The following NTM variants were observed in gnomAD, a reference collection of about 807,000 sequenced individuals.
NTM encodes the protein neurotrimin, also known as IgLON family member 2.
In NTM, 13 loss-of-function variants were observed where a neutral mutation model predicts 42.1. That is an observed-to-expected ratio of 0.31 (90% CI 0.20 to 0.49). The LOEUF (loss-of-function observed/expected upper bound fraction) is 0.49, where lower values mean the gene tolerates loss of function less well. Among genes scored for constraint, NTM ranks in the 20% least tolerant of loss-of-function variants. NTM has a pLI of 0.99. For synonymous variants in NTM, 187 were observed against 179.2 expected (o/e 1.04, Z -0.35); for missense variants, 373 against 452.8 (o/e 0.82, Z 1.60).
chr11:132,227,851 C>T (rs368173720), intron 4 of NTM, among the ~76,000 whole-genome samples: 7 of 152,078 alleles, frequency 4.6e-5, no homozygotes, highest in African/African-American at 7.2e-5. Flanking sequence ...GTGGCACTTA[C>T]GGGAAAAATT....
chr11:131,795,037 A>T (rs1423297240), intron 1 of NTM: 1 of 963,032 alleles, frequency 1.0e-6, no homozygotes. Flanking sequence ...CCCTGTAGCC[A>T]AAGGGGGGGA....
intron 4 of NTM, among the ~76,000 whole-genome samples, chr11:132,297,707 T>A (rs12284625): frequency 6.6e-6 from 1 of 152,112 alleles, no homozygotes; most frequent in Non-Finnish European, 1.5e-5. Flanking sequence ...TTTTGCGGGC[T>A]TTTTCTTGGC....
chr11:132,050,465 A>G (rs1047622324), intron 2 of NTM, among the ~76,000 whole-genome samples: 6 of 152,194 alleles, frequency 3.9e-5, no homozygotes, highest in Non-Finnish European at 8.8e-5. Context: ...ATTTTTTTGT[A>G]TAGCAGGCAC....
intron 4 of NTM, among the ~76,000 whole-genome samples, chr11:132,296,701 G>A (rs2094624223): frequency 6.6e-6 from 1 of 152,118 alleles, no homozygotes; most frequent in South Asian, 2.1e-4. Context: ...GTGAAGTGAA[G>A]TAGAAAGGCA....
chr11:131,792,690 G>A (rs575518074), intron 1 of NTM, among the ~76,000 whole-genome samples: 3 of 152,244 alleles, frequency 2.0e-5, no homozygotes, highest in Non-Finnish European at 2.9e-5. Flanking sequence ...AAATGGGCAC[G>A]GTGCCTTCAC....
intron 3 of NTM, among the ~76,000 whole-genome samples, chr11:132,208,731 G>A (rs1007516463): frequency 2.6e-5 from 4 of 152,190 alleles, no homozygotes; most frequent in South Asian, 4.1e-4. Context: ...TTCATTACCC[G>A]GCCTGATTTC....
intron 4 of NTM, among the ~76,000 whole-genome samples, chr11:132,228,024 C>A (rs1005967525): frequency 2.0e-5 from 3 of 152,108 alleles, no homozygotes; most frequent in African/African-American, 7.2e-5. Flanking sequence ...ATGAATGTAT[C>A]TTTTTTCAAA....
At chr11:131,762,953 G>A (rs966776850) in intron 1 of NTM, among the ~76,000 whole-genome samples, 2 of 152,176 alleles carry the variant, frequency 1.3e-5, no homozygotes, top group East Asian at 1.9e-4. Flanking sequence ...CTGGCAGCCC[G>A]GGAATGTCGC....
rs138848234 is a variant in NTM at position 131,652,400 on chromosome 11, G to A, written c.83-259164G>A. ...TCCAGTGGCCACAAACCAGAACAAA[G>A]CAAGGTGGTGCCCCAGGCCTTGTTC... On this transcript the variant is annotated intron_variant, in intron 1 of 8. Transcript: ENST00000683400. Among the ~76,000 whole-genome samples the A allele has an allele frequency of 5.0e-3, 762 of 152,254 alleles. 12 individuals are homozygous for A. Among genetic ancestry groups the A allele is most frequent in the African/African-American group, 0.018 (736 of 41,552 alleles).
At chr11:131,383,995 G>A (rs1943014036) in intron 1 of NTM, among the ~76,000 whole-genome samples, 1 of 152,104 alleles carries the variant, frequency 6.6e-6, no homozygotes, top group Non-Finnish European at 1.5e-5. Context: ...AGATGGACGG[G>A]GAAGAAGAGG....
At chr11:131,703,238 G>A (rs2076252738) in intron 1 of NTM, among the ~76,000 whole-genome samples, 1 of 152,136 alleles carries the variant, frequency 6.6e-6, no homozygotes, top group Non-Finnish European at 1.5e-5. Context: ...TCTTCACAAA[G>A]AGATGATAAA....
intron 1 of NTM, among the ~76,000 whole-genome samples, chr11:131,519,782 T>C (rs1010031259): frequency 7.0e-6 from 1 of 143,052 alleles, no homozygotes; most frequent in Admixed American, 6.9e-5. Flanking sequence ...TTCTTTACTT[T>C]CAGGTCTTCA....
At chr11:132,063,526 C>T (rs985980539) in intron 2 of NTM, among the ~76,000 whole-genome samples, 4 of 152,200 alleles carry the variant, frequency 2.6e-5, no homozygotes, top group Non-Finnish European at 4.4e-5. Context: ...TCCAATTTTA[C>T]AGTACCCTGT....
At chr11:132,275,691 T>TATATATATAC (rs2093679014) in intron 4 of NTM, among the ~76,000 whole-genome samples, 1 of 142,914 alleles carries the variant, frequency 7.0e-6, no homozygotes, top group African/African-American at 2.6e-5. Context: ...CTTGATGTTT[T>TATATATATAC]ATATATATAT....
rs370349288 is a variant in NTM at position 131,420,957 on chromosome 11, GC to G, written c.82+50071del. 3.3e-3 allele frequency among the ~76,000 whole-genome samples: 506 copies of G among 152,046 alleles called. 1 individual carries two copies. Among genetic ancestry groups the G allele is most frequent in the Non-Finnish European group, 5.1e-3 (350 of 68,006 alleles). Reference sequence around the variant, plus strand: ...TCTGGAGCTTCCCACCCATTCTCTAGCCTTGGCCTTTCTCCCTTGCCCTCTC... The same window carrying G: ...TCTGGAGCTTCCCACCCATTCTCTAGCTTGGCCTTTCTCCCTTGCCCTCTC... On this transcript the variant is annotated intron_variant, in intron 1 of 8. Transcript: ENST00000683400.
At chr11:131,516,912 G>T (rs577080531) in intron 1 of NTM, among the ~76,000 whole-genome samples, 2 of 152,274 alleles carry the variant, frequency 1.3e-5, no homozygotes, top group African/African-American at 2.4e-5. Context: ...GGCCACTTTA[G>T]ATTGCATTTC....
chr11:131,583,986 T>C (rs2058637891), intron 1 of NTM, among the ~76,000 whole-genome samples: 1 of 152,220 alleles, frequency 6.6e-6, no homozygotes, highest in Admixed American at 6.5e-5. Context: ...TCTAACAAGA[T>C]GGGAACTGCT....
At chr11:131,833,391 C>G (rs1477863511) in intron 1 of NTM, among the ~76,000 whole-genome samples, 1 of 152,164 alleles carries the variant, frequency 6.6e-6, no homozygotes, top group African/African-American at 2.4e-5. Context: ...CATGTAACCC[C>G]CAGCATACAC....
At chr11:131,761,886 G>A (rs1194869085) in intron 1 of NTM, among the ~76,000 whole-genome samples, 1 of 151,080 alleles carries the variant, frequency 6.6e-6, no homozygotes, top group African/African-American at 2.4e-5. Flanking sequence ...GGAAGAGCGC[G>A]CATGCTCTCT....
Sources: allele counts gnomAD v4.1 joint callset (sites outside exome capture counted in the v4.1 genomes callset), GRCh38; gene constraint gnomAD v4.1.1; transcripts MANE v1.5; gene names NCBI Gene and HGNC (gene_info 2026-07-23, HGNC 2026-07-21).